The following CD38 variants were observed in gnomAD, a reference collection of about 807,000 sequenced individuals.
CD38 encodes the protein CD38 molecule.
A neutral mutation model predicts 36.3 loss-of-function variants in CD38; 31 were observed. That is an observed-to-expected ratio of 0.85 (90% confidence interval 0.64 to 1.15). The LOEUF (loss-of-function observed/expected upper bound fraction) is 1.15, where lower values mean the gene tolerates loss of function less well. Among genes scored for constraint, CD38 ranks in the 50% most tolerant of loss-of-function variants. The pLI is 0.00. For missense variants in CD38, 380 were observed against 371.9 expected, an observed-to-expected ratio of 1.02 and a Z score of -0.18; for synonymous variants, 131 against 135.2, an observed-to-expected ratio of 0.97 and a Z score of 0.22.
chr4:15,792,463 A>G (rs13113394), intron 1 of CD38, among the ~76,000 whole-genome samples: 21,642 of 148,972 alleles, frequency 0.15, 1,868 homozygotes, highest in South Asian at 0.25. Flanking sequence ...ATCAAGAAAA[A>G]AAAAGAAAAG....
rs1309450845 is a variant in CD38, at chr4:15,849,709, A to G, written c.*1107A>G. 6.6e-6 allele frequency: 1 copy of G among 151,958 alleles called. No homozygotes were observed. Among genetic ancestry groups the G allele is most frequent in the Non-Finnish European group, 1.5e-5 (1 of 67,992 alleles). The allele number at this position is 151,958 out of a possible 1,614,324, so 9.4% of individuals were successfully genotyped here. On this transcript the variant is annotated 3_prime_UTR_variant, in exon 8 of 8. Transcript: ENST00000226279. ...GCTTTAGCTTCATTGATTTTTTTCT[A>G]TTTAATTGGGTTTTGCTCTTCTCTT...
At chr4:15,811,848 T>C (rs1057055459) in intron 1 of CD38, among the ~76,000 whole-genome samples, 1 of 152,218 alleles carries the variant, frequency 6.6e-6, no homozygotes, top group Admixed American at 6.5e-5. Context: ...AGGGCAGGTT[T>C]CAACTGGAAG....
rs185754496 is a variant in CD38 at position 15,798,385 on chromosome 4, G to A, written c.234-18126G>A. Among the ~76,000 whole-genome samples the A allele has an allele frequency of 8.5e-4, 130 of 152,322 alleles. 2 individuals are homozygous for A. The highest frequency in any genetic ancestry group is 6.5e-4 in the Non-Finnish European group (44 of 68,030). ...ATACCTGGAACAGAGGGCAGGGAGA[G>A]GGGCAAGAGCACACCCCCATTTCAA... On this transcript the variant is annotated intron_variant, in intron 1 of 7. Coordinates refer to ENST00000226279, the MANE Select transcript of CD38 (RefSeq NM_001775.4).
Position 15,825,021 on chromosome 4 carries a change from G to C in CD38, c.499+5G>C. On this transcript the variant is annotated splice_donor_5th_base_variant and intron_variant, in intron 3 of 7. Coordinates refer to ENST00000226279, the MANE Select transcript of CD38 (RefSeq NM_001775.4). ...GTGGTGAATTCAACACTTCCAGTGAGGCTCTGGGCCCTGTGGGATTGCCCA... is the reference window on the plus strand; with the variant it reads ...GTGGTGAATTCAACACTTCCAGTGACGCTCTGGGCCCTGTGGGATTGCCCA... 2.5e-6 allele frequency: 4 copies of C among 1,605,172 alleles called. No individual in the cohort carries two copies. The highest frequency in any genetic ancestry group is 3.4e-6 in the Non-Finnish European group (4 of 1,174,976).
chr4:15,814,632 G>C (rs535963847), intron 1 of CD38, among the ~76,000 whole-genome samples: 1 of 152,212 alleles, frequency 6.6e-6, no homozygotes, highest in South Asian at 2.1e-4. Context: ...GTGTAAAGAA[G>C]GGGTCCAGTT....
chr4:15,824,042 A>G (rs1407399951), intron 2 of CD38, among the ~76,000 whole-genome samples: 1 of 152,168 alleles, frequency 6.6e-6, no homozygotes, highest in Admixed American at 6.5e-5. Flanking sequence ...TCAGCAAACT[A>G]ACACAGGAAC....
chr4:15,847,705 A>T (rs946994912), intron 7 of CD38, among the ~76,000 whole-genome samples: 59 of 151,366 alleles, frequency 3.9e-4, no homozygotes, highest in Admixed American at 1.1e-3. Flanking sequence ...AACCTAGACA[A>T]AGACTGGGAA....
intron 5 of CD38, 28 bp from the exon 6 acceptor site, chr4:15,839,998 T>C: frequency 6.6e-7 from 1 of 1,518,524 alleles, no homozygotes; most frequent in Non-Finnish European, 9.2e-7. Flanking sequence ...GGGTTGATGT[T>C]TGGGGTTCTT....
At chr4:15,790,345 G>GTT (rs879373376) in intron 1 of CD38, among the ~76,000 whole-genome samples, 20 of 134,112 alleles carry the variant, frequency 1.5e-4, no homozygotes, top group East Asian at 4.4e-4. Context: ...ACTGGTTTTC[G>GTT]TTTTTTTTTT....
In CD38 at chr4:15,790,200, C is replaced by T. The variant is rs973751631; in HGVS notation, c.233+11553C>T. Among the ~76,000 whole-genome samples the T allele has an allele frequency of 5.6e-5, 8 of 143,764 alleles. No homozygotes were observed. In the South Asian group the frequency reaches 9.5e-4, roughly 17 times the overall value. The allele number at this position is 143,764 out of a possible 152,430, so 94.3% of individuals were successfully genotyped here. On this transcript the variant is annotated intron_variant, in intron 1 of 7. Coordinates refer to ENST00000226279, the MANE Select transcript of CD38 (RefSeq NM_001775.4). ...CCCCCTCCCTCTCCCTCTCTCTCCA[C>T]GGTCTCCTTCCACGGTCTCCCTCTG...
intron 1 of CD38, among the ~76,000 whole-genome samples, chr4:15,780,265 T>C (rs1397749476): frequency 1.3e-5 from 2 of 152,186 alleles, no homozygotes; most frequent in East Asian, 3.8e-4. Flanking sequence ...TACTCTCCCA[T>C]CATCAGTCTA....
rs534325417 is a variant in CD38, at chr4:15,821,635, T to C, written c.364-3246T>C. ...CTCCCAAGACTGAACCAGGAAGAAG[T>C]TGAGTTCCTGAACAGACCAATAACA... On this transcript the variant is annotated intron_variant, in intron 2 of 7. Coordinates refer to ENST00000226279, the MANE Select transcript of CD38 (RefSeq NM_001775.4). 4.7e-5 allele frequency among the ~76,000 whole-genome samples: 7 copies of C among 150,316 alleles called. No individual in the cohort carries two copies. In the East Asian group the frequency reaches 1.4e-3, roughly 29 times the overall value.
At chr4:15,809,469 C>A (rs1480839932) in intron 1 of CD38, among the ~76,000 whole-genome samples, 2 of 152,156 alleles carry the variant, frequency 1.3e-5, no homozygotes, top group Admixed American at 6.5e-5. Flanking sequence ...CCATTAGAAT[C>A]GTTTGGGAGA....
chr4:15,810,713 AT>A (rs1178804297), intron 1 of CD38, among the ~76,000 whole-genome samples: 1 of 152,218 alleles, frequency 6.6e-6, no homozygotes, highest in Non-Finnish European at 1.5e-5. Context: ...AAGTGGAAAT[AT>A]GGTGCACAGA....
chr4:15,788,988 G>A (rs1028765554), intron 1 of CD38, among the ~76,000 whole-genome samples: 1 of 152,130 alleles, frequency 6.6e-6, no homozygotes, highest in Non-Finnish European at 1.5e-5. Context: ...ACTTCATAAG[G>A]TTCGAATAAA....
At chr4:15,823,119 C>T (rs71601500) in intron 2 of CD38, among the ~76,000 whole-genome samples, 5,808 of 152,174 alleles carry the variant, frequency 0.038, 158 homozygotes, top group Non-Finnish European at 0.058. Flanking sequence ...TTGAGAACTA[C>T]CTAGCCATAT....
In CD38 at chr4:15,795,321, C is replaced by CT. The variant is rs531845485; in HGVS notation, c.233+16681dup. 2.4e-3 allele frequency among the ~76,000 whole-genome samples: 369 copies of CT among 151,754 alleles called. 1 individual carries two copies. The highest frequency in any genetic ancestry group is 8.5e-3 in the African/African-American group (351 of 41,370). ...ATCTTAATAGGGAATAGGAGATTAC[C>CT]TTTTTTTCAGCAAAATATTACCAGC... On this transcript the variant is annotated intron_variant, in intron 1 of 7. Coordinates refer to ENST00000226279, the MANE Select transcript of CD38 (RefSeq NM_001775.4).
chr4:15,825,506 C>T (rs1723827643), intron 3 of CD38: 1 of 153,014 alleles, frequency 6.5e-6, no homozygotes, highest in African/African-American at 2.4e-5. Context: ...TCCCGAGCTC[C>T]AACACTGGGG....
chr4:15,804,431 C>A (rs548014320), intron 1 of CD38, among the ~76,000 whole-genome samples: 1 of 152,090 alleles, frequency 6.6e-6, no homozygotes, highest in Non-Finnish European at 1.5e-5. Context: ...GGACCTATAT[C>A]CAAAGAAAAT....
Sources: gnomAD v4.1 joint callset for allele counts (sites outside exome capture counted in the v4.1 genomes callset) on GRCh38, gnomAD v4.1.1 for gene constraint, MANE v1.5 for transcripts, NCBI Gene and HGNC (gene_info 2026-07-23, HGNC 2026-07-21) for gene names.